Variants in CACNA1C observed in about 807,000 individuals in gnomAD.
CACNA1C encodes calcium voltage-gated channel subunit alpha1 C, also known as voltage-dependent L-type calcium channel subunit alpha-1C.
In CACNA1C, 30 loss-of-function variants were observed where a neutral mutation model predicts 229.0. The ratio of observed to expected loss-of-function variants is 0.13; its 90% CI spans 0.10 to 0.18. CACNA1C has a LOEUF of 0.18. CACNA1C is among the 10% of genes least tolerant of loss of function. The pLI, the probability that CACNA1C is intolerant of heterozygous loss-of-function variation, is 1.00. For synonymous variants in CACNA1C, 1,114 were observed against 1,132.5 expected, an observed-to-expected ratio of 0.98 and a Z score of 0.33; for missense variants, 1,658 against 2,845.0, an observed-to-expected ratio of 0.58 and a Z score of 9.49.
intron 3 of CACNA1C, among the ~76,000 whole-genome samples, chr12:2,338,681 C>T (rs1456881064): frequency 2.0e-5 from 3 of 152,102 alleles, no homozygotes; most frequent in South Asian, 2.1e-4. Context: ...TTTGGAGCAG[C>T]GAGCGACCCG....
At chr12:2,573,149 A>G (rs2057067314) in intron 13 of CACNA1C, among the ~76,000 whole-genome samples, 1 of 152,120 alleles carries the variant, frequency 6.6e-6, no homozygotes. Flanking sequence ...TCCTGGGCTC[A>G]AGTGATACTC....
chr12:2,316,110 C>T (rs1363362290), intron 3 of CACNA1C, among the ~76,000 whole-genome samples: 1 of 152,380 alleles, frequency 6.6e-6, no homozygotes, highest in Non-Finnish European at 1.5e-5. Context: ...ACCCAGGAAG[C>T]TGCTGGCTCC....
chr12:2,248,293 G>A (rs980952907), intron 3 of CACNA1C, among the ~76,000 whole-genome samples: 3 of 152,206 alleles, frequency 2.0e-5, no homozygotes, highest in African/African-American at 4.8e-5. Context: ...ACCAGTTAAG[G>A]GGAGGAGGAG....
chr12:2,292,400 G>A (rs557502955), intron 3 of CACNA1C, among the ~76,000 whole-genome samples: 15 of 152,312 alleles, frequency 9.8e-5, no homozygotes, highest in African/African-American at 3.1e-4. Context: ...AACAGAGCAC[G>A]TTTGTTGATA....
intron 3 of CACNA1C, among the ~76,000 whole-genome samples, chr12:2,436,108 A>G (rs2154559575): frequency 6.6e-6 from 1 of 152,306 alleles, no homozygotes; most frequent in South Asian, 2.1e-4. Flanking sequence ...AGTTGGGAGA[A>G]GACAAGATAT....
intron 1 of CACNA1C, among the ~76,000 whole-genome samples, chr12:2,039,085 G>A (rs1427664428): frequency 4.6e-5 from 7 of 152,210 alleles, no homozygotes; most frequent in South Asian, 4.1e-4. Context: ...GGTCTATGAG[G>A]CCAACAGACA....
intron 9 of CACNA1C, among the ~76,000 whole-genome samples, chr12:2,533,830 C>T (rs2099846756): frequency 6.6e-6 from 1 of 152,162 alleles, no homozygotes; most frequent in African/African-American, 2.4e-5. Flanking sequence ...CTCATCTCCA[C>T]CTGTGGCTGG....
Position 2,691,062 on chromosome 12 carries a change from C to T in CACNA1C, c.6280C>T (p.Leu2094Phe), listed in dbSNP as rs1227091872. The T allele has an allele frequency of 3.7e-6, 6 of 1,608,882 alleles. No individual in the cohort carries two copies. In the South Asian group the frequency reaches 4.4e-5, roughly 12 times the overall value. ...GGAPQSPNGA[L>F]LPFVNCRDAG... ...CGCCCCACAGAGCCCCAATGGCGCC[C>T]TCTTACCCTTTGTGAACTGCAGGGA... is the stretch of plus-strand genomic sequence containing the variant. The change falls in exon 47 of 47, where the codon CTC becomes TTC. Residue 2094 changes from leucine (L) to phenylalanine (F), a missense_variant. Physicochemically the swap from Leu to Phe is conservative, Grantham distance 22. Transcript: ENST00000399655.
Position 2,602,118 on chromosome 12 carries a change from G to C in CACNA1C, c.2960+158G>C, listed in dbSNP as rs1601717070. Among the ~76,000 whole-genome samples, 1 of 152,190 alleles carries C rather than the reference G, an allele frequency of 6.6e-6. No homozygotes were observed. Among genetic ancestry groups the C allele is most frequent in the Admixed American group, 6.5e-5 (1 of 15,288 alleles). Reference sequence around the variant, plus strand: ...TGTGCATGGTGGCTTTGGGTTCTTGGTTCTGTGTCCTCAGTGGTCTGATAC... The same window carrying C: ...TGTGCATGGTGGCTTTGGGTTCTTGCTTCTGTGTCCTCAGTGGTCTGATAC... On this transcript the variant is annotated intron_variant, in intron 22 of 46. Transcript: ENST00000399655. This position sits in a 1 kb window ranked among gnomAD's most constrained non-coding sequence, Gnocchi z 4.4.
At position 2,413,918 on chromosome 12, in the gene CACNA1C, A is replaced by G. The variant is rs573930725; in HGVS notation, c.478-35058A>G. 1.5e-4 allele frequency among the ~76,000 whole-genome samples: 23 copies of G among 152,294 alleles called. No individual in the cohort carries two copies. The South Asian group carries it at 3.1e-3, about 21-fold the overall frequency. On this transcript the variant is annotated intron_variant, in intron 3 of 46. Coordinates refer to ENST00000399655, the MANE Select transcript of CACNA1C (RefSeq NM_000719.7). The stretch of plus-strand genomic sequence containing the variant: ...GGAACAGGAGTTTTCCTCTCCTGCT[A>G]GACTATAAGCTCCTTAAAAGCTGAG...
At chr12:2,385,182 A>G (rs1194589282) in intron 3 of CACNA1C, among the ~76,000 whole-genome samples, 1 of 152,224 alleles carries the variant, frequency 6.6e-6, no homozygotes, top group Non-Finnish European at 1.5e-5. Flanking sequence ...AGCAAATGCC[A>G]GTGTGATGGA....
rs567193128 is a variant in CACNA1C, at chr12:2,689,498, C to T, written c.6117+719C>T. Reference sequence around the variant, plus strand: ...AAGGGTGGCAGGCTCAGCCCACCAGCGGACAGATTTCAGCTCACATGGGGA... The same window carrying T: ...AAGGGTGGCAGGCTCAGCCCACCAGTGGACAGATTTCAGCTCACATGGGGA... On this transcript the variant is annotated intron_variant, in intron 46 of 46. Transcript: ENST00000399655. The surrounding 1 kb of genome is among the most constrained non-coding windows in gnomAD (Gnocchi z 4.2). Among the ~76,000 whole-genome samples, 3 of 152,166 alleles carry T rather than the reference C, an allele frequency of 2.0e-5. No homozygotes were observed. The highest frequency in any genetic ancestry group is 2.9e-5 in the Non-Finnish European group (2 of 67,998).
chr12:2,475,244 A>G (rs1357991811), intron 5 of CACNA1C, among the ~76,000 whole-genome samples: 2 of 151,958 alleles, frequency 1.3e-5, no homozygotes, highest in Non-Finnish European at 2.9e-5. Flanking sequence ...GCTTGCAGTG[A>G]GCCGAGATCA....
chr12:2,634,223 T>A, intron 29 of CACNA1C, 74 bp from the exon 30 acceptor site: 1 of 510,140 alleles, frequency 2.0e-6, no homozygotes. Flanking sequence ...ATTTTTCCTC[T>A]TCCCTTTTGT....
intron 1 of CACNA1C, among the ~76,000 whole-genome samples, chr12:2,110,001 A>G (rs1349124360): frequency 1.3e-5 from 2 of 152,144 alleles, no homozygotes; most frequent in African/African-American, 2.4e-5. Context: ...TGTGTTGAGC[A>G]TTTTCTGGGA....
At chr12:2,143,202 A>G (rs949015196) in intron 3 of CACNA1C, among the ~76,000 whole-genome samples, 2 of 151,138 alleles carry the variant, frequency 1.3e-5, no homozygotes, top group African/African-American at 4.8e-5. Flanking sequence ...TCTCGAACTC[A>G]GGTGATCCAC....
At chr12:2,448,763 GAA>G (rs34361820) in intron 3 of CACNA1C, among the ~76,000 whole-genome samples, 2 of 150,094 alleles carry the variant, frequency 1.3e-5, no homozygotes, top group Middle Eastern at 3.4e-3. Context: ...CTTTGATGCA[GAA>G]AAAAAAAAAT....
chr12:2,441,279 A>C (rs1437431034), intron 3 of CACNA1C, among the ~76,000 whole-genome samples: 1 of 152,206 alleles, frequency 6.6e-6, no homozygotes, highest in Non-Finnish European at 1.5e-5. Context: ...CACAGTGTTC[A>C]GCACAGGTGG....
At chr12:2,192,510 A>G (rs931499866) in intron 3 of CACNA1C, among the ~76,000 whole-genome samples, 3 of 152,340 alleles carry the variant, frequency 2.0e-5, no homozygotes, top group Non-Finnish European at 4.4e-5. Flanking sequence ...AAAGACGTCC[A>G]TTTCCCATGC....
Sources: gnomAD v4.1 joint callset for allele counts (sites outside exome capture counted in the v4.1 genomes callset) on GRCh38, gnomAD v4.1.1 for gene constraint, Gnocchi (gnomAD v3.1) non-coding constraint, MANE v1.5 for transcripts, NCBI Gene and HGNC (gene_info 2026-07-23, HGNC 2026-07-21) for gene names.